EXOC6B: variants seen among roughly 807,000 people sequenced by gnomAD.
EXOC6B encodes SEC15 homolog B.
In EXOC6B, 54 loss-of-function variants were observed where a neutral mutation model predicts 113.5. The ratio of observed to expected loss-of-function variants is 0.48; its 90% CI spans 0.38 to 0.60. The LOEUF (loss-of-function observed/expected upper bound fraction) is 0.60. EXOC6B is among the 20% of genes least tolerant of loss of function. The pLI is 0.00. For synonymous variants in EXOC6B, 357 were observed against 339.0 expected, an observed-to-expected ratio of 1.05 and a Z score of -0.58; for missense variants, 797 against 977.5, an observed-to-expected ratio of 0.82 and a Z score of 2.46.
chr2:72,311,863 G>C (rs1307049416), intron 20 of EXOC6B, among the ~76,000 whole-genome samples: 1 of 152,204 alleles, frequency 6.6e-6, no homozygotes, highest in South Asian at 2.1e-4. Flanking sequence ...CTGAGAAGGA[G>C]CAGGGGGATA....
In EXOC6B at chr2:72,283,563, G is replaced by A. The variant is rs141450913; in HGVS notation, c.2196+51384C>T. The stretch of plus-strand genomic sequence containing the variant: ...AGTTCCAGGAGAACCCAGCCATGGA[G>A]GAGTAGGGGGAGGGGCATGATTTTG... On this transcript the variant is annotated intron_variant, in intron 20 of 21. Transcript: ENST00000272427. Among the ~76,000 whole-genome samples the A allele has an allele frequency of 3.9e-3, 588 of 152,248 alleles. 6 individuals carry two copies. Among genetic ancestry groups the A allele is most frequent in the African/African-American group, 0.014 (566 of 41,556 alleles).
chr2:72,514,904 G>T, intron 9 of EXOC6B, 139 bp downstream of exon 9: 1 of 792,554 alleles, frequency 1.3e-6, no homozygotes, highest in Non-Finnish European at 2.1e-6. Flanking sequence ...CTTACTGCAA[G>T]TCACATCCAC....
intron 6 of EXOC6B, among the ~76,000 whole-genome samples, chr2:72,672,341 C>T (rs1041803221): frequency 3.3e-5 from 5 of 151,592 alleles, no homozygotes; most frequent in African/African-American, 4.8e-5. Context: ...AAAGAAAAGC[C>T]GGTATATGGC....
rs142984166 is a variant in EXOC6B, at chr2:72,628,399, G to A, written c.670-52731C>T. Among the ~76,000 whole-genome samples, 636 of 152,210 alleles carry A rather than the reference G, an allele frequency of 4.2e-3. 6 individuals are homozygous for A. Among genetic ancestry groups the A allele is most frequent in the African/African-American group, 0.015 (614 of 41,526 alleles). ...CTGTCTCAACCTCCCAAATCACTGG[G>A]ATTACAGGTGTGAGCTCCCATGCCT... On this transcript the variant is annotated intron_variant, in intron 6 of 21. Coordinates refer to ENST00000272427, the MANE Select transcript of EXOC6B (RefSeq NM_015189.3).
chr2:72,615,850 G>A (rs1030712859), intron 6 of EXOC6B, among the ~76,000 whole-genome samples: 3 of 152,098 alleles, frequency 2.0e-5, no homozygotes, highest in Non-Finnish European at 4.4e-5. Flanking sequence ...CATCATACAT[G>A]TTATTTCCTC....
chr2:72,479,600 C>T (rs1485235689), intron 17 of EXOC6B, among the ~76,000 whole-genome samples: 1 of 152,034 alleles, frequency 6.6e-6, no homozygotes, highest in African/African-American at 2.4e-5. Context: ...AAAAATCAAA[C>T]CATATAAGTA....
chr2:72,599,078 C>G (rs1670238294), intron 6 of EXOC6B, among the ~76,000 whole-genome samples: 1 of 151,962 alleles, frequency 6.6e-6, no homozygotes, highest in Non-Finnish European at 1.5e-5. Context: ...TCCATAGTAT[C>G]AAAGCCAGAT....
chr2:72,732,898 C>T (rs1468903358), intron 3 of EXOC6B, among the ~76,000 whole-genome samples, 173 bp downstream of exon 3: 1 of 152,162 alleles, frequency 6.6e-6, no homozygotes, highest in African/African-American at 2.4e-5. Flanking sequence ...TCTCCTTAGA[C>T]TTCCCAGTGA....
chr2:72,326,697 T>C (rs1170215440), intron 20 of EXOC6B, among the ~76,000 whole-genome samples: 2 of 151,950 alleles, frequency 1.3e-5, no homozygotes, highest in East Asian at 3.9e-4. Flanking sequence ...GACTGACAGT[T>C]CTGTAAAAGG....
At chr2:72,248,899 T>TA (rs1419439518) in intron 20 of EXOC6B, among the ~76,000 whole-genome samples, 7 of 152,212 alleles carry the variant, frequency 4.6e-5, no homozygotes, top group Non-Finnish European at 1.0e-4. Context: ...AATGTAGTGT[T>TA]ACTGGCTTCC....
At chr2:72,481,351 T>A (rs901428642) in intron 16 of EXOC6B, among the ~76,000 whole-genome samples, 2 of 152,246 alleles carry the variant, frequency 1.3e-5, no homozygotes, top group African/African-American at 4.8e-5. Flanking sequence ...GGAACACTTA[T>A]CACTGTATTC....
chr2:72,396,629 G>A (rs963745359), intron 18 of EXOC6B, among the ~76,000 whole-genome samples: 1 of 152,046 alleles, frequency 6.6e-6, no homozygotes, highest in African/African-American at 2.4e-5. Flanking sequence ...CCCTGTTCTC[G>A]GAGTTCCTGG....
intron 6 of EXOC6B, among the ~76,000 whole-genome samples, chr2:72,582,418 G>A (rs1705280396): frequency 6.6e-6 from 1 of 152,092 alleles, no homozygotes; most frequent in Admixed American, 6.6e-5. Context: ...TCTGGAGGCT[G>A]GGGTGGGAGG....
chr2:72,389,309 T>C (rs2105103797), intron 18 of EXOC6B, among the ~76,000 whole-genome samples: 1 of 152,076 alleles, frequency 6.6e-6, no homozygotes, highest in East Asian at 1.9e-4. Context: ...CACAATTCCA[T>C]ATATAAAAAC....
At chr2:72,450,088 T>C (rs1696823093) in intron 18 of EXOC6B, among the ~76,000 whole-genome samples, 1 of 152,172 alleles carries the variant, frequency 6.6e-6, no homozygotes, top group East Asian at 1.9e-4. Flanking sequence ...TTCTTTTCTA[T>C]CTATAATAAT....
At chr2:72,661,480 TAAAC>T (rs1239156608) in intron 6 of EXOC6B, among the ~76,000 whole-genome samples, 4 of 149,200 alleles carry the variant, frequency 2.7e-5, no homozygotes, top group South Asian at 2.1e-4. Context: ...AAACTGGAAA[TAAAC>T]AATTTAAAAC....
At chr2:72,517,563 T>C (rs1404394043) in intron 8 of EXOC6B, among the ~76,000 whole-genome samples, 1 of 152,178 alleles carries the variant, frequency 6.6e-6, no homozygotes, top group East Asian at 1.9e-4. Flanking sequence ...AAACTGTTAG[T>C]TGGTTTGTTA....
chr2:72,551,130 G>C (rs531335607), intron 8 of EXOC6B, among the ~76,000 whole-genome samples: 20 of 152,058 alleles, frequency 1.3e-4, no homozygotes, highest in South Asian at 2.1e-4. Flanking sequence ...CATACAACTA[G>C]TAAATGTGTG....
At chr2:72,396,869 A>G (rs1179169530) in intron 18 of EXOC6B, among the ~76,000 whole-genome samples, 4 of 152,178 alleles carry the variant, frequency 2.6e-5, no homozygotes, top group African/African-American at 9.7e-5. Context: ...AATCTTTGTA[A>G]TAACAGGTGA....
Sources: allele counts gnomAD v4.1 joint callset (sites outside exome capture counted in the v4.1 genomes callset), GRCh38; gene constraint gnomAD v4.1.1; transcripts MANE v1.5; gene names NCBI Gene and HGNC (gene_info 2026-07-23, HGNC 2026-07-21).